Variants in CCSER2 observed in about 807,000 individuals in gnomAD.
CCSER2 encodes the protein coiled-coil serine rich protein 2, also known as serine-rich coiled-coil domain-containing protein 2.
In CCSER2, 46 loss-of-function variants were observed where a neutral mutation model predicts 92.3. That is an observed-to-expected ratio of 0.50 (90% confidence interval 0.39 to 0.64). The LOEUF (loss-of-function observed/expected upper bound fraction) is 0.64, where lower values mean the gene tolerates loss of function less well. Among genes scored for constraint, CCSER2 ranks in the 30% least tolerant of loss-of-function variants. CCSER2 has a pLI of 0.00. For missense variants in CCSER2, 1,244 were observed against 1,238.9 expected, an observed-to-expected ratio of 1.00 and a Z score of -0.06; for synonymous variants, 433 against 431.4, an observed-to-expected ratio of 1.00 and a Z score of -0.04.
chr10:84,470,508 T>C, intron 8 of CCSER2, 50 bp downstream of exon 8: 1 of 1,317,872 alleles, frequency 7.6e-7, no homozygotes, highest in African/African-American at 1.6e-5. Flanking sequence ...GGGTGAAATG[T>C]GTTTTTCATA....
chr10:84,441,077 T>G (rs1423277182), intron 6 of CCSER2, among the ~76,000 whole-genome samples: 1 of 152,250 alleles, frequency 6.6e-6, no homozygotes, highest in Non-Finnish European at 1.5e-5. Flanking sequence ...TCTTTGGAGA[T>G]TAATGTAGTG....
intron 9 of CCSER2, among the ~76,000 whole-genome samples, chr10:84,487,175 C>T (rs976062334): frequency 6.6e-6 from 1 of 152,144 alleles, no homozygotes; most frequent in African/African-American, 2.4e-5. Flanking sequence ...AGTCAGGTGG[C>T]ATGATGCCTC....
chr10:84,407,999 G>T (rs1842459428), intron 3 of CCSER2, among the ~76,000 whole-genome samples: 1 of 152,140 alleles, frequency 6.6e-6, no homozygotes, highest in African/African-American at 2.4e-5. Flanking sequence ...ATTTGTCATG[G>T]TTAGTGAATG....
chr10:84,466,663 C>A (rs1239566130), intron 7 of CCSER2, among the ~76,000 whole-genome samples: 1 of 151,582 alleles, frequency 6.6e-6, no homozygotes, highest in Non-Finnish European at 1.5e-5. Flanking sequence ...CGCCGCCACG[C>A]CTGGCTAATT....
intron 9 of CCSER2, among the ~76,000 whole-genome samples, chr10:84,508,389 A>G (rs1849178350): frequency 6.6e-6 from 1 of 152,186 alleles, no homozygotes; most frequent in Non-Finnish European, 1.5e-5. Flanking sequence ...CAACAATTCC[A>G]TGAAGTATAT....
chr10:84,505,140 C>A (rs1413631469), intron 9 of CCSER2, among the ~76,000 whole-genome samples: 2 of 152,030 alleles, frequency 1.3e-5, no homozygotes, highest in Non-Finnish European at 1.5e-5. Flanking sequence ...TATATATATA[C>A]ACACATTTTT....
intron 3 of CCSER2, among the ~76,000 whole-genome samples, chr10:84,407,317 A>G (rs1243986914): frequency 6.6e-6 from 1 of 151,810 alleles, no homozygotes; most frequent in African/African-American, 2.4e-5. Context: ...AGCTTTATTG[A>G]GGTTGACTTT....
chr10:84,473,451 A>T (rs1482345723), intron 8 of CCSER2, among the ~76,000 whole-genome samples: 1 of 152,224 alleles, frequency 6.6e-6, no homozygotes, highest in East Asian at 1.9e-4. Context: ...ATTAGAAAAG[A>T]TTCACTGCTT....
chr10:84,373,537 T>C, intron 2 of CCSER2, 82 bp from the exon 3 acceptor site: 5 of 1,058,338 alleles, frequency 4.7e-6, no homozygotes, highest in Non-Finnish European at 6.8e-6. Context: ...TGCTATGATA[T>C]ATCAAATTAT....
At chr10:84,403,673 G>A (rs1842234532) in intron 3 of CCSER2, among the ~76,000 whole-genome samples, 4 of 152,132 alleles carry the variant, frequency 2.6e-5, no homozygotes, top group South Asian at 4.1e-4. Flanking sequence ...TAAGGACATG[G>A]AAAGACATTC....
At position 84,439,859 on chromosome 10, in the gene CCSER2, A is replaced by G. The variant is rs1844418042; in HGVS notation, c.2064+1152A>G. On this transcript the variant is annotated intron_variant, in intron 6 of 9. Transcript: ENST00000372088. ...GTAACTAGAAAATAGGCATTGGTAT[A>G]TAGTGTTTTTCTGTTGGCTGGTCTG... Among the ~76,000 whole-genome samples, 4 of 152,310 alleles carry G rather than the reference A, an allele frequency of 2.6e-5. No individual in the cohort carries two copies. In the South Asian group the frequency reaches 6.2e-4, roughly 24 times the overall value.
intron 9 of CCSER2, among the ~76,000 whole-genome samples, chr10:84,505,300 T>C (rs1848983193): frequency 1.3e-5 from 2 of 152,186 alleles, no homozygotes; most frequent in Non-Finnish European, 2.9e-5. Flanking sequence ...TCTTTGTGTA[T>C]AAATCAGTGT....
chr10:84,436,315 G>C (rs1332989683), intron 5 of CCSER2, among the ~76,000 whole-genome samples: 2 of 75,284 alleles, frequency 2.7e-5, no homozygotes, highest in African/African-American at 7.4e-5. Flanking sequence ...GACAGAGCGA[G>C]ACTCCGTCTC....
intron 9 of CCSER2, among the ~76,000 whole-genome samples, chr10:84,497,019 T>G (rs1005392048): frequency 1.3e-5 from 2 of 152,192 alleles, no homozygotes; most frequent in African/African-American, 4.8e-5. Context: ...CTACTCTCTA[T>G]AAGTAAATTG....
Position 84,414,129 on chromosome 10 carries a change from G to T in CCSER2, c.1615-3642G>T, listed in dbSNP as rs1438728192. On this transcript the variant is annotated intron_variant, in intron 3 of 9. Transcript: ENST00000372088. ...TGCCATTTTGTGTCTTTTAATTGGG[G>T]CATTTAGCCCATTTACATTTAAGGT... Among the ~76,000 whole-genome samples the T allele has an allele frequency of 2.0e-5, 3 of 152,096 alleles. 1 individual carries two copies. The highest frequency in any genetic ancestry group is 4.4e-5 in the Non-Finnish European group (3 of 68,008).
intron 7 of CCSER2, among the ~76,000 whole-genome samples, chr10:84,470,091 T>C (rs999020048): frequency 4.7e-5 from 7 of 148,632 alleles, no homozygotes; most frequent in East Asian, 4.1e-4. Flanking sequence ...TTACAGTACC[T>C]ACCTCAGGAG....
chr10:84,367,083 T>G (rs1407544026), intron 1 of CCSER2, among the ~76,000 whole-genome samples: 1 of 152,156 alleles, frequency 6.6e-6, no homozygotes, highest in Non-Finnish European at 1.5e-5. Context: ...TTTAAAAAAT[T>G]TTTTAAAGGT....
intron 3 of CCSER2, among the ~76,000 whole-genome samples, chr10:84,407,794 T>C (rs569284845): frequency 6.6e-5 from 10 of 152,368 alleles, no homozygotes; most frequent in African/African-American, 2.4e-4. Context: ...TATTTGTAAA[T>C]TATTGAGAAT....
chr10:84,461,951 G>GT (rs569165594), intron 6 of CCSER2, among the ~76,000 whole-genome samples: 142 of 152,316 alleles, frequency 9.3e-4, no homozygotes, highest in African/African-American at 3.3e-3. Flanking sequence ...AAACAATGTG[G>GT]TTGAGTTTAG....
Sources: allele counts gnomAD v4.1 joint callset (sites outside exome capture counted in the v4.1 genomes callset), GRCh38; gene constraint gnomAD v4.1.1; transcripts MANE v1.5; gene names NCBI Gene and HGNC (gene_info 2026-07-23, HGNC 2026-07-21).